Variants in DBNL observed in about 807,000 individuals in gnomAD.
DBNL encodes drebrin like.
A neutral mutation model predicts 62.2 loss-of-function variants in DBNL; 35 were observed. The observed-to-expected ratio is 0.56, with a 90% CI of 0.43 to 0.75. The LOEUF (loss-of-function observed/expected upper bound fraction) is 0.75. DBNL is among the 30% of genes least tolerant of loss of function. DBNL has a pLI of 0.00. For missense variants in DBNL, 495 were observed against 578.4 expected (o/e 0.86, Z 1.48); for synonymous variants, 197 against 218.0 (o/e 0.90, Z 0.85).
At position 44,064,614 on chromosome 7, in the gene DBNL, G is replaced by C; in HGVS notation, c.*3698G>C. On this transcript the variant is annotated 3_prime_UTR_variant, in exon 13 of 13. Transcript: ENST00000448521. ...CCCACCTCGGGACACAGCGAGCTTC[G>C]AGTGCAGTCAGCCCCTGTGGAGTGT... The C allele has an allele frequency of 3.4e-6, 2 of 585,190 alleles. No homozygotes were observed. The highest frequency in any genetic ancestry group is 2.0e-5 in the South Asian group (1 of 50,552). The allele number at this position is 585,190 out of a possible 1,614,324, so 36.2% of individuals were successfully genotyped here. A position where few individuals can be genotyped will look rare whatever the true frequency, so the allele number is the denominator to read the frequency against.
intron 1 of DBNL, among the ~76,000 whole-genome samples, chr7:44,049,643 A>G (rs1205599564): frequency 6.6e-6 from 1 of 152,120 alleles, no homozygotes; most frequent in Non-Finnish European, 1.5e-5. Context: ...GTGGTTTCTG[A>G]TAAACACAAC....
intron 3 of DBNL, among the ~76,000 whole-genome samples, chr7:44,052,375 C>T (rs570715750): frequency 2.0e-5 from 3 of 151,968 alleles, no homozygotes; most frequent in South Asian, 4.2e-4. Context: ...TTTGGGAGGC[C>T]GAGGTGGGTG....
Position 44,058,239 on chromosome 7 carries a change from G to A in DBNL, c.663G>A (p.Glu221=), listed in dbSNP as rs749568803. 4.4e-6 allele frequency: 7 copies of A among 1,578,790 alleles called. No individual in the cohort carries two copies. The highest frequency in any genetic ancestry group is 6.0e-6 in the Non-Finnish European group (7 of 1,163,902). The change falls in exon 7 of 13, where the codon GAG becomes GAA. Residue 221 remains glutamate, a synonymous_variant. Coordinates refer to ENST00000448521, the MANE Select transcript of DBNL (RefSeq NM_001014436.3). ...ERELREAARR[E]QRYQEQGGEA... is the part of the protein sequence containing the mutation. ...AGCTGCGTGAGGCTGCACGCCGGGA[G>A]CAGCGCTATCAGGAGCAGGGTGGCG...
At position 44,059,547 on chromosome 7, in the gene DBNL, C is replaced by T. The variant is rs776850653; in HGVS notation, c.936C>T (p.Leu312=). Residue 312 remains leucine, a synonymous_variant, in exon 11 of 13, where the codon CTC becomes CTT. Coordinates refer to ENST00000448521, the MANE Select transcript of DBNL (RefSeq NM_001014436.3). The surrounding 1 kb of genome is among the most constrained non-coding windows in gnomAD (Gnocchi z 4.1). ...AAAISRPRAD[L]PAEEPAPSTP... is the part of the protein sequence containing the mutation. Reference sequence around the variant, plus strand: ...CTGCTGTGTTCCCTGGTGCAGATCTCCCTGCTGAGGAGCCGGCGCCCAGCA... The same window carrying T: ...CTGCTGTGTTCCCTGGTGCAGATCTTCCTGCTGAGGAGCCGGCGCCCAGCA... 11 of 1,613,404 alleles carry T rather than the reference C, an allele frequency of 6.8e-6. No individual in the cohort carries two copies. In the East Asian group the frequency reaches 1.1e-4, roughly 16 times the overall value.
chr7:44,051,591 A>T (rs1028377591), intron 2 of DBNL: 1 of 356,420 alleles, frequency 2.8e-6, no homozygotes, highest in South Asian at 7.6e-5. Flanking sequence ...TGGGTAAAAA[A>T]AATTACCTGA....
In DBNL at chr7:44,044,713, C is replaced by T. The variant is rs538644961; in HGVS notation, c.-25C>T. On this transcript the variant is annotated 5_prime_UTR_variant, in exon 1 of 13. Coordinates refer to ENST00000448521, the MANE Select transcript of DBNL (RefSeq NM_001014436.3). ...CGGCCCGGCCCGGAAGCTACAGCAG[C>T]GGCGCGGAGACTGCGGGGCGGGCCA... 9 of 1,476,278 alleles carry T rather than the reference C, an allele frequency of 6.1e-6. No homozygotes were observed. The highest frequency in any genetic ancestry group is 1.3e-5 in the South Asian group (1 of 79,170). 91.4% of individuals were successfully genotyped at this position (1,476,278 alleles called of 1,614,324 possible).
intron 1 of DBNL, among the ~76,000 whole-genome samples, chr7:44,047,393 G>C (rs918413994): frequency 1.3e-5 from 2 of 152,176 alleles, no homozygotes; most frequent in Admixed American, 1.3e-4. Context: ...CTGGCATTGG[G>C]GAGGGCAGAT....
Position 44,065,503 on chromosome 7 carries a change from G to A in DBNL, c.*4587G>A. On this transcript the variant is annotated 3_prime_UTR_variant, in exon 13 of 13. Transcript: ENST00000448521. ...GGTTCCATGTGCTCTCGCCGTGCCGGACCATCACGAGGCGGTGAGTGGCCA... is the reference window on the plus strand; with the variant it reads ...GGTTCCATGTGCTCTCGCCGTGCCGAACCATCACGAGGCGGTGAGTGGCCA... 6.2e-7 allele frequency: 1 copy of A among 1,614,028 alleles called. No homozygotes were observed. The highest frequency in any genetic ancestry group is 8.5e-7 in the Non-Finnish European group (1 of 1,180,042).
chr7:44,065,269 G>A lies in DBNL; in HGVS notation c.*4353G>A. 3 of 1,613,748 alleles carry A rather than the reference G, an allele frequency of 1.9e-6. No individual in the cohort carries two copies. Among genetic ancestry groups the A allele is most frequent in the African/African-American group, 2.7e-5 (2 of 75,066 alleles). ...TGAGGCCCCCGTAATGCCGCTCATT[G>A]AGGCGCCAAGTGCGCACCACAGGCA... On this transcript the variant is annotated 3_prime_UTR_variant, in exon 13 of 13. Coordinates refer to ENST00000448521, the MANE Select transcript of DBNL (RefSeq NM_001014436.3).
At chr7:44,053,070 C>A in intron 4 of DBNL, 129 bp downstream of exon 4, 2 of 1,248,216 alleles carry the variant, frequency 1.6e-6, no homozygotes, top group Non-Finnish European at 2.2e-6. Context: ...ATGCTCTCTG[C>A]CTGCCTTTGA....
chr7:44,051,632 C>A (rs1287106977), intron 2 of DBNL, 198 bp from the exon 3 acceptor site: 1 of 505,416 alleles, frequency 2.0e-6, no homozygotes, highest in Non-Finnish European at 3.5e-6. Flanking sequence ...ACTTCTAGGT[C>A]CCACCCAGCT....
In DBNL at chr7:44,055,250, G is replaced by C. The variant is rs777801276; in HGVS notation, c.328-1507G>C. Among the ~76,000 whole-genome samples, 5 of 152,342 alleles carry C rather than the reference G, an allele frequency of 3.3e-5. No homozygotes were observed. The East Asian group carries it at 5.8e-4, about 18-fold the overall frequency. On this transcript the variant is annotated intron_variant, in intron 4 of 12. Coordinates refer to ENST00000448521, the MANE Select transcript of DBNL (RefSeq NM_001014436.3). Reference sequence around the variant, plus strand: ...GGAGGCCAAGGTGAACAGATTACCTGAGGTCAGGAGTTCAAGACCAGCCTG... The same window carrying C: ...GGAGGCCAAGGTGAACAGATTACCTCAGGTCAGGAGTTCAAGACCAGCCTG...
At position 44,064,340 on chromosome 7, in the gene DBNL, T is replaced by C; in HGVS notation, c.*3424T>C. ...GAGAGGGGCTCCAGAGGGAGATAGG[T>C]GGTGAAGCTCATGCAGGGATTCTGA... On this transcript the variant is annotated 3_prime_UTR_variant, in exon 13 of 13. Transcript: ENST00000448521. 5.0e-6 allele frequency: 1 copy of C among 200,370 alleles called. No homozygotes were observed. The highest frequency in any genetic ancestry group is 8.4e-5 in the South Asian group (1 of 11,934). 12.4% of individuals were successfully genotyped at this position (200,370 alleles called of 1,614,324 possible).
At chr7:44,050,487 T>G in intron 2 of DBNL, 1 of 482,152 alleles carries the variant, frequency 2.1e-6, no homozygotes. Context: ...GGGGAGTGCT[T>G]TCTCTTTGTC....
chr7:44,048,315 A>G (rs1326967254), intron 1 of DBNL, among the ~76,000 whole-genome samples: 4 of 152,254 alleles, frequency 2.6e-5, no homozygotes, highest in African/African-American at 7.2e-5. Context: ...GTGGCCATCA[A>G]GAGGAATGGG....
At chr7:44,053,941 G>A (rs888218883) in intron 4 of DBNL, among the ~76,000 whole-genome samples, 1 of 152,176 alleles carries the variant, frequency 6.6e-6, no homozygotes, top group Non-Finnish European at 1.5e-5. Flanking sequence ...CTCCCAAAGT[G>A]CTAGGATTAC....
At position 44,057,375 on chromosome 7, in the gene DBNL, G is replaced by A. The variant is rs181971976; in HGVS notation, c.475-407G>A. 4.6e-3 allele frequency among the ~76,000 whole-genome samples: 700 copies of A among 152,316 alleles called. 1 individual carries two copies. The highest frequency in any genetic ancestry group is 7.7e-3 in the Non-Finnish European group (521 of 68,022). ...ATGGCTGGGAGCTGCGTCCGCATGC[G>A]TGTGGTTGGACGTGATTCCTTGGAT... On this transcript the variant is annotated intron_variant, in intron 5 of 12. Coordinates refer to ENST00000448521, the MANE Select transcript of DBNL (RefSeq NM_001014436.3).
chr7:44,058,375 T>C, intron 7 of DBNL, 57 bp from the exon 8 acceptor site: 1 of 1,613,344 alleles, frequency 6.2e-7, no homozygotes, highest in Non-Finnish European at 8.5e-7. Context: ...CTAAGGGGTG[T>C]GGCATGAGAA....
At chr7:44,058,352 G>T in intron 7 of DBNL, 72 bp downstream of exon 7, 2 of 1,607,168 alleles carry the variant, frequency 1.2e-6, no homozygotes, top group Non-Finnish European at 8.5e-7. Context: ...CCATCCCATG[G>T]AGGCGAGGAG....
Sources: allele counts gnomAD v4.1 joint callset (sites outside exome capture counted in the v4.1 genomes callset), GRCh38; gene constraint gnomAD v4.1.1; non-coding constraint Gnocchi (gnomAD v3.1); transcripts MANE v1.5; gene names NCBI Gene and HGNC (gene_info 2026-07-23, HGNC 2026-07-21).